Variants in DLC1 observed in about 807,000 individuals in gnomAD.
DLC1 encodes the protein rho GTPase-activating protein 7.
In DLC1, 54 loss-of-function variants were observed where a neutral mutation model predicts 140.3. That is an observed-to-expected ratio of 0.38 (90% CI 0.31 to 0.48). The LOEUF (loss-of-function observed/expected upper bound fraction) is 0.48. Ranked by LOEUF, DLC1 falls within the 20% of genes least tolerant of loss-of-function variation. The pLI, the probability that DLC1 is intolerant of heterozygous loss-of-function variation, is 0.96. For missense variants in DLC1, 2,536 were observed against 1,907.0 expected, an observed-to-expected ratio of 1.33 and a Z score of -6.14; for synonymous variants, 986 against 728.1, an observed-to-expected ratio of 1.35 and a Z score of -5.70.
At chr8:13,319,817 C>CTTTTT (rs1563250552) in intron 4 of DLC1, among the ~76,000 whole-genome samples, 4 of 17,070 alleles carry the variant, frequency 2.3e-4, no homozygotes, top group Admixed American at 2.2e-3. Flanking sequence ...AATTCTCTCT[C>CTTTTT]TCTCTTTTTT....
intron 5 of DLC1, among the ~76,000 whole-genome samples, chr8:13,199,372 G>A (rs1214007268): frequency 6.6e-6 from 1 of 151,608 alleles, no homozygotes; most frequent in Non-Finnish European, 1.5e-5. Flanking sequence ...TTTTGTAGAT[G>A]GAGATCTTGC....
chr8:13,183,512 G>A (rs1374685442), intron 5 of DLC1, among the ~76,000 whole-genome samples: 2 of 152,152 alleles, frequency 1.3e-5, no homozygotes, highest in Non-Finnish European at 2.9e-5. Context: ...TTTATTGAGG[G>A]TTTTTAGCAT....
chr8:13,264,033 G>T (rs974532773), intron 5 of DLC1, among the ~76,000 whole-genome samples: 1 of 138,806 alleles, frequency 7.2e-6, no homozygotes, highest in Non-Finnish European at 1.6e-5. Flanking sequence ...TTGTATGACA[G>T]CAATAAGAAT....
intron 4 of DLC1, among the ~76,000 whole-genome samples, chr8:13,367,433 C>T (rs1367698198): frequency 1.3e-5 from 2 of 152,152 alleles, no homozygotes; most frequent in African/African-American, 4.8e-5. Context: ...ATATCTCAAT[C>T]GTCATTAGGG....
intron 2 of DLC1, among the ~76,000 whole-genome samples, chr8:13,433,051 G>C (rs1468608308): frequency 1.4e-5 from 2 of 147,256 alleles, no homozygotes; most frequent in Non-Finnish European, 3.0e-5. Context: ...TGATAGCACA[G>C]ACATTTGGAA....
intron 1 of DLC1, among the ~76,000 whole-genome samples, chr8:13,563,886 G>T (rs565445662): frequency 1.3e-3 from 200 of 151,876 alleles, no homozygotes; most frequent in African/African-American, 4.7e-3. Flanking sequence ...TGAATGGAAA[G>T]GTTCATTTTA....
At chr8:13,452,417 C>G (rs1054794871) in intron 2 of DLC1, among the ~76,000 whole-genome samples, 1 of 152,014 alleles carries the variant, frequency 6.6e-6, no homozygotes, top group Admixed American at 6.6e-5. Context: ...GAGACTGAAA[C>G]AATTTCTACT....
chr8:13,212,183 C>A lies in DLC1; in HGVS notation c.1348+93086G>T, dbSNP rs144256920. ...AGTTTATATTACAGAGGCTTCCATT[C>A]CTCTTAACAACATACATGGCTTTTT... is the stretch of plus-strand genomic sequence containing the variant. On this transcript the variant is annotated intron_variant, in intron 5 of 17. Transcript: ENST00000276297. Among the ~76,000 whole-genome samples the A allele has an allele frequency of 4.4e-3, 669 of 152,264 alleles. 4 individuals carry two copies. Among genetic ancestry groups the A allele is most frequent in the African/African-American group, 0.015 (618 of 41,558 alleles).
At chr8:13,193,163 T>C (rs535745666) in intron 5 of DLC1, among the ~76,000 whole-genome samples, 4 of 152,314 alleles carry the variant, frequency 2.6e-5, no homozygotes, top group African/African-American at 9.6e-5. Context: ...CTATTGACTG[T>C]CACTCATTTG....
At chr8:13,439,079 C>A (rs1302531547) in intron 2 of DLC1, among the ~76,000 whole-genome samples, 1 of 152,196 alleles carries the variant, frequency 6.6e-6, no homozygotes, top group Non-Finnish European at 1.5e-5. Flanking sequence ...GTAATCCCAA[C>A]ACTTTGGGAG....
At chr8:13,419,652 A>G (rs760908464) in intron 2 of DLC1, among the ~76,000 whole-genome samples, 1 of 152,210 alleles carries the variant, frequency 6.6e-6, no homozygotes, top group Non-Finnish European at 1.5e-5. Flanking sequence ...AGTGTTCACC[A>G]AGGACATTGG....
chr8:13,259,343 T>A (rs74509364), intron 5 of DLC1, among the ~76,000 whole-genome samples: 2 of 152,022 alleles, frequency 1.3e-5, no homozygotes, highest in Admixed American at 6.5e-5. Context: ...ACCACAGTGA[T>A]TTGAATTTTA....
At chr8:13,347,394 C>G (rs1834396248) in intron 4 of DLC1, among the ~76,000 whole-genome samples, 1 of 152,144 alleles carries the variant, frequency 6.6e-6, no homozygotes, top group Admixed American at 6.5e-5. Context: ...CGCTAGAGCT[C>G]AAGGATGTGC....
At chr8:13,125,261 G>C (rs1014546851) in intron 5 of DLC1, among the ~76,000 whole-genome samples, 1 of 152,182 alleles carries the variant, frequency 6.6e-6, no homozygotes, top group African/African-American at 2.4e-5. Flanking sequence ...ACAGGCATGA[G>C]CCACCAAACC....
intron 3 of DLC1, among the ~76,000 whole-genome samples, chr8:13,398,005 C>A (rs1339851114): frequency 6.7e-6 from 1 of 148,490 alleles, no homozygotes; most frequent in African/African-American, 2.5e-5. Context: ...GTGGTGCATG[C>A]TTTTAATCAC....
chr8:13,556,611 G>A (rs1053406601), intron 1 of DLC1, among the ~76,000 whole-genome samples: 3 of 152,154 alleles, frequency 2.0e-5, no homozygotes, highest in Non-Finnish European at 4.4e-5. Context: ...AAATGATGCT[G>A]CTTCTCAGGA....
At chr8:13,185,288 T>TTTTTTTG (rs1554464345) in intron 5 of DLC1, among the ~76,000 whole-genome samples, 2 of 144,374 alleles carry the variant, frequency 1.4e-5, no homozygotes, top group Non-Finnish European at 3.0e-5. Flanking sequence ...TTTCTGTTTT[T>TTTTTTTG]TTTGTTTGTT....
Position 13,356,129 on chromosome 8 carries a change from TTTAG to T in DLC1, c.1314+37420_1314+37423del, listed in dbSNP as rs1834933245. ...AAAAAAAAAAATCTTATTTTTTATT[TTTAG>T]TTAAGTACTTTTTTGATGATGCAGG... On this transcript the variant is annotated intron_variant, in intron 4 of 17. Coordinates refer to ENST00000276297, the MANE Select transcript of DLC1 (RefSeq NM_182643.3). 2.6e-5 allele frequency among the ~76,000 whole-genome samples: 4 copies of T among 151,878 alleles called. 2 individuals are homozygous for T. In the South Asian group the frequency reaches 8.3e-4, roughly 32 times the overall value.
At chr8:13,264,282 A>G (rs1413219821) in intron 5 of DLC1, among the ~76,000 whole-genome samples, 1 of 152,028 alleles carries the variant, frequency 6.6e-6, no homozygotes, top group African/African-American at 2.4e-5. Flanking sequence ...CATGTTGCCC[A>G]GGCTGGTGTC....
Sources: gnomAD v4.1 joint callset for allele counts (sites outside exome capture counted in the v4.1 genomes callset) on GRCh38, gnomAD v4.1.1 for gene constraint, MANE v1.5 for transcripts, NCBI Gene and HGNC (gene_info 2026-07-23, HGNC 2026-07-21) for gene names.